The following TDRD12 variants were observed in gnomAD, a reference collection of about 807,000 sequenced individuals.
TDRD12 encodes the protein tudor domain containing 12, also known as putative ATP-dependent RNA helicase TDRD12.
TDRD12 carries 158 observed loss-of-function variants against 133.5 expected under a neutral mutation model. The observed-to-expected ratio is 1.18, with a 90% CI of 1.04 to 1.35. The LOEUF (loss-of-function observed/expected upper bound fraction) is 1.35, where lower values mean the gene tolerates loss of function less well. Ranked by LOEUF, TDRD12 falls within the 40% of genes most tolerant of loss-of-function variation. The pLI, the probability that TDRD12 is intolerant of heterozygous loss-of-function variation, is 0.00. For missense variants in TDRD12, 1,443 were observed against 1,321.3 expected, an observed-to-expected ratio of 1.09 and a Z score of -1.43; for synonymous variants, 460 against 477.9, an observed-to-expected ratio of 0.96 and a Z score of 0.49.
At chr19:32,771,367 G>A (rs1000645101) in intron 8 of TDRD12, among the ~76,000 whole-genome samples, 4 of 152,018 alleles carry the variant, frequency 2.6e-5, no homozygotes, top group African/African-American at 9.7e-5. Flanking sequence ...ACCATGTTCA[G>A]CAGGCTGGTC....
intron 3 of TDRD12, among the ~76,000 whole-genome samples, chr19:32,740,159 A>T (rs1274056244): frequency 2.0e-5 from 1 of 49,280 alleles, no homozygotes; most frequent in Non-Finnish European, 3.8e-5. Flanking sequence ...TCTCCTGGGT[A>T]CTCTCTGCAT....
At chr19:32,821,315 A>T (rs1967379690), downstream of TDRD12, 1 of 623,100 alleles carries the variant, frequency 1.6e-6, no homozygotes, top group African/African-American at 1.8e-5. Context: ...TTGTAGTTTG[A>T]GGTCTAACTT....
intron 8 of TDRD12, among the ~76,000 whole-genome samples, chr19:32,772,040 C>T (rs958094527): frequency 2.0e-5 from 3 of 152,082 alleles, no homozygotes; most frequent in South Asian, 4.1e-4. Context: ...GTCAGGAATT[C>T]GGAATGGGCA....
intron 6 of TDRD12, among the ~76,000 whole-genome samples, chr19:32,751,414 G>A (rs1969823933): frequency 6.6e-6 from 1 of 152,104 alleles, no homozygotes; most frequent in Non-Finnish European, 1.5e-5. Context: ...TTTTCCTTCT[G>A]AAATTAATAA....
chr19:32,778,539 ACCCAGGAT>A (rs1319702559), intron 11 of TDRD12, among the ~76,000 whole-genome samples: 2 of 152,042 alleles, frequency 1.3e-5, no homozygotes, highest in Non-Finnish European at 2.9e-5. Flanking sequence ...TTGCTCTGTC[ACCCAGGAT>A]AGAGTGCAAT....
intron 9 of TDRD12, 104 bp downstream of exon 32, chr19:32,826,853 C>G (rs1967609633): frequency 1.5e-6 from 1 of 688,358 alleles, no homozygotes; most frequent in Admixed American, 4.3e-5. Context: ...GTGGACCGTT[C>G]ATGTCAAGCC....
At chr19:32,820,599 A>G (rs1056527980) in intron 27 of TDRD12, among the ~76,000 whole-genome samples, 3 of 152,236 alleles carry the variant, frequency 2.0e-5, no homozygotes, top group African/African-American at 7.2e-5. Flanking sequence ...TTTTAGATAG[A>G]AAGGCATAGA....
chr19:32,766,381 G>A (rs1265117657), intron 8 of TDRD12, among the ~76,000 whole-genome samples: 2 of 152,104 alleles, frequency 1.3e-5, no homozygotes, highest in African/African-American at 4.8e-5. Context: ...AAACAATCCA[G>A]TTACATCTTT....
Position 32,789,798 on chromosome 19 carries a change from C to T in TDRD12, c.1122-733C>T, listed in dbSNP as rs139301971. Among the ~76,000 whole-genome samples, 553 of 152,182 alleles carry T rather than the reference C, an allele frequency of 3.6e-3. 5 individuals carry two copies. The highest frequency in any genetic ancestry group is 0.013 in the African/African-American group (523 of 41,536). On this transcript the variant is annotated intron_variant, in intron 11 of 27. Transcript: ENST00000444215. ...GGCGGTTCACCTGAGGTCAGGAGTTCGAGACCAGCCTGGACAACAATGGTG... is the reference window on the plus strand; with the variant it reads ...GGCGGTTCACCTGAGGTCAGGAGTTTGAGACCAGCCTGGACAACAATGGTG...
intron 8 of TDRD12, among the ~76,000 whole-genome samples, chr19:32,767,033 T>A (rs941921752): frequency 1.3e-5 from 2 of 152,124 alleles, no homozygotes; most frequent in South Asian, 4.1e-4. Context: ...CATGAGGAAC[T>A]TAACAGCAGT....
intron 3 of TDRD12, among the ~76,000 whole-genome samples, chr19:32,741,333 C>T (rs1229400008): frequency 1.3e-5 from 2 of 152,176 alleles, no homozygotes; most frequent in African/African-American, 2.4e-5. Flanking sequence ...CCACCCGCCT[C>T]GGCTTCCCAA....
intron 11 of TDRD12, among the ~76,000 whole-genome samples, chr19:32,788,942 G>A (rs1048510151): frequency 6.6e-6 from 1 of 152,220 alleles, no homozygotes; most frequent in East Asian, 1.9e-4. Context: ...TCACTGTCCT[G>A]TGTGTGCTTA....
At chr19:32,786,537 C>T (rs1266028803) in intron 11 of TDRD12, among the ~76,000 whole-genome samples, 2 of 152,216 alleles carry the variant, frequency 1.3e-5, no homozygotes, top group African/African-American at 4.8e-5. Flanking sequence ...TGGCACCATT[C>T]TCCCCGTTGC....
chr19:32,788,525 T>C (rs1372961686), intron 11 of TDRD12, among the ~76,000 whole-genome samples: 1 of 152,228 alleles, frequency 6.6e-6, no homozygotes, highest in African/African-American at 2.4e-5. Flanking sequence ...TTCTCTTTTC[T>C]CTTTTCTTTT....
intron 7 of TDRD12, 92 bp downstream of exon 7, chr19:32,756,273 T>C: frequency 9.0e-7 from 1 of 1,106,886 alleles, no homozygotes; most frequent in Non-Finnish European, 1.2e-6. Flanking sequence ...TTTCCCCACA[T>C]GGAGACAAAG....
chr19:32,749,885 G>A lies in TDRD12; in HGVS notation c.582+16G>A, dbSNP rs1234969093. 9 of 1,462,578 alleles carry A rather than the reference G, an allele frequency of 6.2e-6. No homozygotes were observed. Among genetic ancestry groups the A allele is most frequent in the East Asian group, 2.5e-5 (1 of 40,342 alleles). The allele number at this position is 1,462,578 out of a possible 1,614,324, so 90.6% of individuals were successfully genotyped here. ...AGATGAAAAAGTAAGTGAAAGAATT[G>A]TATTTTTATAATATTTCATCATTTT... On this transcript the variant is annotated intron_variant, in intron 6 of 27. Transcript: ENST00000444215.
chr19:32,765,184 A>G (rs1405055737), intron 8 of TDRD12, among the ~76,000 whole-genome samples: 1 of 152,240 alleles, frequency 6.6e-6, no homozygotes, highest in Non-Finnish European at 1.5e-5. Flanking sequence ...CAAAACCACA[A>G]TGAGATACCA....
At chr19:32,779,774 C>A (rs1970708613) in intron 11 of TDRD12, among the ~76,000 whole-genome samples, 1 of 152,088 alleles carries the variant, frequency 6.6e-6, no homozygotes, top group Non-Finnish European at 1.5e-5. Flanking sequence ...TTTCAGGAGG[C>A]TTTTGGACTT....
At chr19:32,746,947 A>AG (rs386388886) in intron 4 of TDRD12, among the ~76,000 whole-genome samples, 2 of 144,620 alleles carry the variant, frequency 1.4e-5, no homozygotes, top group African/African-American at 5.3e-5. Context: ...TGAGAGAGAG[A>AG]GAGGGGGAGA....
Sources: allele counts gnomAD v4.1 joint callset (sites outside exome capture counted in the v4.1 genomes callset), GRCh38; gene constraint gnomAD v4.1.1; transcripts MANE v1.5; gene names NCBI Gene and HGNC (gene_info 2026-07-23, HGNC 2026-07-21).